Variants in SPATA13 observed in about 807,000 individuals in gnomAD.
SPATA13 encodes spermatogenesis associated 13, also known as spermatogenesis-associated protein 13.
SPATA13 carries 50 observed loss-of-function variants against 104.0 expected under a neutral mutation model. The observed-to-expected ratio is 0.48, with a 90% CI of 0.38 to 0.61. The LOEUF (loss-of-function observed/expected upper bound fraction) is 0.61, where lower values mean the gene tolerates loss of function less well. Ranked by LOEUF, SPATA13 falls within the 20% of genes least tolerant of loss-of-function variation. The pLI is 0.00. For synonymous variants in SPATA13, 606 were observed against 667.5 expected (o/e 0.91, Z 1.42); for missense variants, 1,524 against 1,690.6 (o/e 0.90, Z 1.73).
intron 2 of SPATA13, among the ~76,000 whole-genome samples, chr13:24,233,626 T>A (rs1414326237): frequency 6.7e-6 from 1 of 150,216 alleles, no homozygotes; most frequent in African/African-American, 2.4e-5. Flanking sequence ...TAAGTCAGTT[T>A]AAAAAAAAAA....
rs1871697715 is a variant in SPATA13 at position 24,223,109 on chromosome 13, G to A, written c.180G>A (p.Thr60=). 9.7e-6 allele frequency: 15 copies of A among 1,551,698 alleles called. No homozygotes were observed. The highest frequency in any genetic ancestry group is 1.7e-4 in the Middle Eastern group (1 of 5,992). The change falls in exon 2 of 13, where the codon ACG becomes ACA. Residue 60 remains threonine (T), a synonymous_variant. Transcript: ENST00000382108. ...GVCGCSPGGD[T]DTQEAKLSPA... Reference sequence around the variant, plus strand: ...GTGGCTGCAGCCCTGGTGGCGACACGGACACCCAGGAAGCCAAACTCAGCC... The same window carrying A: ...GTGGCTGCAGCCCTGGTGGCGACACAGACACCCAGGAAGCCAAACTCAGCC...
At chr13:24,072,949 C>T (rs1488926289) in intron 3 of SPATA13, among the ~76,000 whole-genome samples, 1 of 150,852 alleles carries the variant, frequency 6.6e-6, no homozygotes, top group African/African-American at 2.4e-5. Context: ...GGTAAACTCG[C>T]AAACTCTATA....
chr13:24,295,228 C>A (rs895064939), intron 10 of SPATA13, among the ~76,000 whole-genome samples: 8 of 152,092 alleles, frequency 5.3e-5, no homozygotes, highest in Non-Finnish European at 1.0e-4. Flanking sequence ...ACATGTGAAT[C>A]CTGTATGATC....
chr13:23,990,057 A>G (rs1429320242), intron 2 of SPATA13, among the ~76,000 whole-genome samples: 1 of 152,226 alleles, frequency 6.6e-6, no homozygotes, highest in Non-Finnish European at 1.5e-5. Flanking sequence ...ACAGAGTAAG[A>G]CAACTGCCAA....
rs536049409 is a variant in SPATA13 at position 24,052,936 on chromosome 13, A to C, written c.-112+35235A>C. ...TAGCTTCCTGCAGGGATATTTTGGG[A>C]CTGGGAACCTTGGCTTTTGATTTTT... On this transcript the variant is annotated intron_variant, in intron 3 of 14. Transcript: ENST00000424834. Among the ~76,000 whole-genome samples the C allele has an allele frequency of 3.8e-5, 5 of 132,784 alleles. No homozygotes were observed. In the South Asian group the frequency reaches 1.1e-3, roughly 28 times the overall value. 87.1% of individuals were successfully genotyped at this position (132,784 alleles called of 152,430 possible).
chr13:24,037,165 G>T (rs1442347622), intron 3 of SPATA13, among the ~76,000 whole-genome samples: 1 of 133,452 alleles, frequency 7.5e-6, no homozygotes, highest in Non-Finnish European at 1.5e-5. Flanking sequence ...AGAACACTTG[G>T]ACACAGGAAG....
chr13:24,043,019 A>G (rs187547892), intron 3 of SPATA13, among the ~76,000 whole-genome samples: 2 of 152,354 alleles, frequency 1.3e-5, no homozygotes, highest in East Asian at 3.9e-4. Context: ...CTTAGTGAAT[A>G]ATGCCAGTAT....
Position 24,232,516 on chromosome 13 carries a change from A to G in SPATA13, c.1653+7934A>G, listed in dbSNP as rs575801399. ...TAATAGGAATTACAAATATTTTCTC[A>G]CAGTCTGGCTTGTCTTTTAAATTTT... On this transcript the variant is annotated intron_variant, in intron 2 of 12. Coordinates refer to ENST00000382108, the MANE Select transcript of SPATA13 (RefSeq NM_001166271.3). 1.1e-4 allele frequency among the ~76,000 whole-genome samples: 17 copies of G among 152,262 alleles called. No homozygotes were observed. In the East Asian group the frequency reaches 3.3e-3, roughly 29 times the overall value.
At position 24,028,553 on chromosome 13, in the gene SPATA13, G is replaced by A. The variant is rs924114910; in HGVS notation, c.-112+10852G>A. On this transcript the variant is annotated intron_variant, in intron 3 of 14. Transcript: ENST00000424834. ...GCTTTGAAATCTTTTTTTGACTTTG[G>A]CATTCTTCAGTTTTTTAGTGATGTG... 4.6e-5 allele frequency among the ~76,000 whole-genome samples: 7 copies of A among 152,116 alleles called. No individual in the cohort carries two copies. The East Asian group carries it at 1.2e-3, about 25-fold the overall frequency.
rs142914905 is a variant in SPATA13 at position 24,041,118 on chromosome 13, A to G, written c.-112+23417A>G. ...TATAGGAACATTGTGGGATGGGGGTAGGATGTGGCTGAAATGGTGCAGCCC... is the reference window on the plus strand; with the variant it reads ...TATAGGAACATTGTGGGATGGGGGTGGGATGTGGCTGAAATGGTGCAGCCC... On this transcript the variant is annotated intron_variant, in intron 3 of 14. Coordinates refer to the SPATA13 transcript ENST00000424834. 5.0e-3 allele frequency among the ~76,000 whole-genome samples: 759 copies of G among 152,358 alleles called. 5 individuals carry two copies. The highest frequency in any genetic ancestry group is 0.017 in the African/African-American group (703 of 41,590).
rs143459429 is a variant in SPATA13 at position 24,274,140 on chromosome 13, G to T, written c.2165-9995G>T. Among the ~76,000 whole-genome samples the T allele has an allele frequency of 2.2e-4, 34 of 152,286 alleles. 1 individual carries two copies. Among genetic ancestry groups the T allele is most frequent in the African/African-American group, 7.9e-4 (33 of 41,554 alleles). ...CATTCAGTGGTACACATTGGCTAAC[G>T]CAGAGGTTTCCAGCCAATGCAATCA... On this transcript the variant is annotated intron_variant, in intron 4 of 12. Transcript: ENST00000382108.
intron 1 of SPATA13, among the ~76,000 whole-genome samples, chr13:24,197,819 G>A (rs1482121212): frequency 6.6e-6 from 1 of 151,998 alleles, no homozygotes; most frequent in East Asian, 1.9e-4. Flanking sequence ...AAATTACTAG[G>A]ATGCCTTAGA....
chr13:24,072,225 G>A lies in SPATA13; in HGVS notation c.-112+54524G>A, dbSNP rs143727519. Among the ~76,000 whole-genome samples the A allele has an allele frequency of 3.6e-3, 549 of 152,258 alleles. 15 individuals are homozygous for A. In the East Asian group the frequency reaches 0.062, roughly 17 times the overall value. On this transcript the variant is annotated intron_variant, in intron 3 of 14. Transcript: ENST00000424834. ...ACAGAACAAACAATGTAGAATCAAT[G>A]CTGAAAATTAATTTTTAAAAGCCCT...
chr13:24,073,123 C>A lies in SPATA13; in HGVS notation c.-112+55422C>A, dbSNP rs78100459. ...AGTTATTTGACCATTTTCTGGATAA[C>A]GTCATGATCATTAGGTTGAAGTGTA... On this transcript the variant is annotated intron_variant, in intron 3 of 14. Coordinates refer to the SPATA13 transcript ENST00000424834. Among the ~76,000 whole-genome samples, 550 of 152,130 alleles carry A rather than the reference C, an allele frequency of 3.6e-3. 15 individuals carry two copies. In the East Asian group the frequency reaches 0.062, roughly 17 times the overall value.
intron 1 of SPATA13, among the ~76,000 whole-genome samples, chr13:24,202,254 A>G (rs1870453674): frequency 6.6e-6 from 1 of 152,014 alleles, no homozygotes; most frequent in Admixed American, 6.6e-5. Context: ...TAAGTGCAAA[A>G]GGACGTTAAG....
chr13:24,095,703 T>C (rs1287689591), intron 3 of SPATA13, among the ~76,000 whole-genome samples: 8 of 152,170 alleles, frequency 5.3e-5, no homozygotes, highest in Admixed American at 2.0e-4. Context: ...CTCAAAACAG[T>C]GGACTTGCAA....
intron 1 of SPATA13, among the ~76,000 whole-genome samples, chr13:24,190,480 G>T (rs908401925): frequency 1.3e-5 from 2 of 149,402 alleles, no homozygotes; most frequent in Non-Finnish European, 2.9e-5. Context: ...CACCATTCTA[G>T]ATGCCATAAA....
chr13:24,240,800 G>C (rs1333826141), intron 2 of SPATA13, among the ~76,000 whole-genome samples: 2 of 152,200 alleles, frequency 1.3e-5, no homozygotes, highest in Non-Finnish European at 2.9e-5. Flanking sequence ...CACCAGCTGT[G>C]TTTTTCGCAT....
Position 24,286,502 on chromosome 13 carries a change from G to T in SPATA13, c.2481+109G>T. On this transcript the variant is annotated intron_variant, in intron 6 of 12. Transcript: ENST00000382108. The surrounding 1 kb of genome is among the most constrained non-coding windows in gnomAD (Gnocchi z 4.9). ...GTCAGCTCTTTTGTAATTGATATCT[G>T]ACATGCAAGTCACACCTGTAAGAAA... is the stretch of plus-strand genomic sequence containing the variant. 1 of 1,187,832 alleles carries T rather than the reference G, an allele frequency of 8.4e-7. No homozygotes were observed. The highest frequency in any genetic ancestry group is 1.6e-5 in the South Asian group (1 of 63,104). The allele number at this position is 1,187,832 out of a possible 1,614,324, so 73.6% of individuals were successfully genotyped here.
Sources: gnomAD v4.1 joint callset for allele counts (sites outside exome capture counted in the v4.1 genomes callset) on GRCh38, gnomAD v4.1.1 for gene constraint, Gnocchi (gnomAD v3.1) non-coding constraint, MANE v1.5 for transcripts, NCBI Gene and HGNC (gene_info 2026-07-23, HGNC 2026-07-21) for gene names.